The following COL14A1 variants were observed in gnomAD, a reference collection of about 807,000 sequenced individuals.
The protein encoded by COL14A1 is collagen alpha-1(XIV) chain.
A neutral mutation model predicts 230.3 loss-of-function variants in COL14A1; 136 were observed. The ratio of observed to expected loss-of-function variants is 0.59; its 90% CI spans 0.51 to 0.68. The LOEUF is 0.68. COL14A1 is among the 30% of genes least tolerant of loss of function. COL14A1 has a pLI of 0.00. For missense variants in COL14A1, 1,976 were observed against 2,215.8 expected (o/e 0.89, Z 2.17); for synonymous variants, 792 against 784.1 (o/e 1.01, Z -0.17).
At chr8:120,154,337 C>T (rs1815391813) in intron 2 of COL14A1, among the ~76,000 whole-genome samples, 2 of 152,152 alleles carry the variant, frequency 1.3e-5, no homozygotes, top group Admixed American at 6.6e-5. Flanking sequence ...ATGACATAAA[C>T]ATTTCTCTCC....
chr8:120,152,285 C>T (rs2130490933), intron 2 of COL14A1, among the ~76,000 whole-genome samples: 1 of 151,732 alleles, frequency 6.6e-6, no homozygotes, highest in East Asian at 1.9e-4. Flanking sequence ...CACGGTGAAA[C>T]CGCGTCTCTA....
In COL14A1 at chr8:120,181,887, G is replaced by A. The variant is rs541402361; in HGVS notation, c.436+13640G>A. Among the ~76,000 whole-genome samples the A allele has an allele frequency of 1.5e-3, 223 of 152,254 alleles. 1 individual carries two copies. Among genetic ancestry groups the A allele is most frequent in the Non-Finnish European group, 2.5e-3 (169 of 68,018 alleles). ...GAATTGCTTGAACCCGGGAGGCGGAGGTTGCAGTAAGCCGAGATGGCACCA... is the reference window on the plus strand; with the variant it reads ...GAATTGCTTGAACCCGGGAGGCGGAAGTTGCAGTAAGCCGAGATGGCACCA... On this transcript the variant is annotated intron_variant, in intron 5 of 47. Coordinates refer to ENST00000297848, the MANE Select transcript of COL14A1 (RefSeq NM_021110.4).
chr8:120,160,176 ATTTTTAAAAATATAGCTTATT>A (rs1434615396), intron 3 of COL14A1, among the ~76,000 whole-genome samples: 4 of 152,120 alleles, frequency 2.6e-5, no homozygotes, highest in African/African-American at 9.7e-5. Flanking sequence ...AATTTCTTTG[ATTTTTAAAAATATAGCTTATT>A]TTTTTAAAAA....
chr8:120,357,079 T>C (rs968849675), intron 45 of COL14A1, among the ~76,000 whole-genome samples: 4 of 152,254 alleles, frequency 2.6e-5, no homozygotes, highest in Non-Finnish European at 5.9e-5. Flanking sequence ...TATTGCTGTG[T>C]AACAAATTAC....
chr8:120,230,382 A>T (rs1439998439), intron 18 of COL14A1, among the ~76,000 whole-genome samples: 2 of 152,190 alleles, frequency 1.3e-5, no homozygotes, highest in East Asian at 3.9e-4. Flanking sequence ...CTTCTCTAAG[A>T]CACTTCAATG....
At chr8:120,355,106 A>C (rs1167863275) in intron 45 of COL14A1, among the ~76,000 whole-genome samples, 1 of 152,162 alleles carries the variant, frequency 6.6e-6, no homozygotes, top group Non-Finnish European at 1.5e-5. Context: ...CAATCCAGTG[A>C]TTGACTACTA....
chr8:120,359,161 G>A (rs13252701), intron 45 of COL14A1, among the ~76,000 whole-genome samples: 2 of 151,752 alleles, frequency 1.3e-5, no homozygotes, highest in African/African-American at 2.4e-5. Flanking sequence ...TGCACCTATC[G>A]ACCCGTCATC....
chr8:120,145,357 G>A (rs773402520), intron 1 of COL14A1, among the ~76,000 whole-genome samples: 12 of 152,174 alleles, frequency 7.9e-5, no homozygotes, highest in Non-Finnish European at 1.6e-4. Context: ...GGTGGCTCAG[G>A]CCTGTAATCC....
At chr8:120,348,323 A>G (rs918623289) in intron 45 of COL14A1, among the ~76,000 whole-genome samples, 2 of 148,576 alleles carry the variant, frequency 1.3e-5, no homozygotes, top group Middle Eastern at 3.3e-3. Flanking sequence ...ATATATATAT[A>G]TGTATATGAT....
chr8:120,138,564 A>G (rs1563630420), intron 1 of COL14A1, among the ~76,000 whole-genome samples: 1 of 152,174 alleles, frequency 6.6e-6, no homozygotes, highest in Non-Finnish European at 1.5e-5. Flanking sequence ...AAAAAAGCTA[A>G]CCACCAAACT....
intron 42 of COL14A1, among the ~76,000 whole-genome samples, chr8:120,338,887 T>A (rs1822179553): frequency 1.4e-5 from 2 of 142,556 alleles, no homozygotes; most frequent in South Asian, 4.1e-4. Context: ...GTCCTTCCAG[T>A]AAACACTAAT....
At chr8:120,234,174 CTT>C (rs1262933156) in intron 19 of COL14A1, among the ~76,000 whole-genome samples, 8 of 152,200 alleles carry the variant, frequency 5.3e-5, no homozygotes, top group African/African-American at 1.7e-4. Context: ...TATCCTGAGA[CTT>C]TGCTGAAGTT....
intron 40 of COL14A1, among the ~76,000 whole-genome samples, chr8:120,328,388 T>G (rs2130190203): frequency 8.2e-6 from 1 of 122,482 alleles, no homozygotes; most frequent in South Asian, 2.9e-4. Flanking sequence ...GCAGAGCAAT[T>G]TTTTTTTAAT....
chr8:120,252,987 C>A (rs985436308), intron 22 of COL14A1, among the ~76,000 whole-genome samples: 1 of 152,182 alleles, frequency 6.6e-6, no homozygotes, highest in African/African-American at 2.4e-5. Context: ...CTTCAACAGG[C>A]CTAGGAAGCC....
At chr8:120,341,488 C>A (rs1586880895) in intron 43 of COL14A1, 128 bp downstream of exon 43, 1 of 1,039,534 alleles carries the variant, frequency 9.6e-7, no homozygotes, top group East Asian at 2.6e-5. Context: ...CTGTTTCTCC[C>A]TTTCCCCAAT....
chr8:120,145,067 G>C (rs1170751184), intron 1 of COL14A1, among the ~76,000 whole-genome samples: 3 of 152,058 alleles, frequency 2.0e-5, no homozygotes, highest in African/African-American at 7.2e-5. Context: ...ATAAGAAAAT[G>C]GGTAAAAGTC....
At chr8:120,334,446 A>G (rs1483335604) in intron 42 of COL14A1, among the ~76,000 whole-genome samples, 1 of 152,170 alleles carries the variant, frequency 6.6e-6, no homozygotes, top group Non-Finnish European at 1.5e-5. Context: ...GGGTCACAGA[A>G]GAAAATCTGA....
rs547803424 is a variant in COL14A1, at chr8:120,306,306, T to C, written c.4402-3703T>C. On this transcript the variant is annotated intron_variant, in intron 36 of 47. Transcript: ENST00000297848. ...TTTGTGACCTAAACAGCAAACTTTC[T>C]AATGGGGAGAAGCAGCAGAGATGTG... 6.6e-5 allele frequency among the ~76,000 whole-genome samples: 10 copies of C among 152,202 alleles called. No homozygotes were observed. The South Asian group carries it at 2.1e-3, about 32-fold the overall frequency.
At chr8:120,244,075 T>G in intron 20 of COL14A1, 67 bp downstream of exon 20, 6 of 1,551,094 alleles carry the variant, frequency 3.9e-6, no homozygotes, top group Non-Finnish European at 8.7e-7. Flanking sequence ...TCCCCTGTAA[T>G]GCACCCTGAA....
Sources: allele counts gnomAD v4.1 joint callset (sites outside exome capture counted in the v4.1 genomes callset), GRCh38; gene constraint gnomAD v4.1.1; transcripts MANE v1.5; gene names NCBI Gene and HGNC (gene_info 2026-07-23, HGNC 2026-07-21).